IRAG1: variants seen among roughly 807,000 people sequenced by gnomAD.
The protein encoded by IRAG1 is inositol 1,4,5-triphosphate receptor associated 1.
A neutral mutation model predicts 106.2 loss-of-function variants in IRAG1; 62 were observed. The observed-to-expected ratio is 0.58, with a 90% CI of 0.48 to 0.72. The LOEUF (loss-of-function observed/expected upper bound fraction) is 0.72, where lower values mean the gene tolerates loss of function less well. Ranked by LOEUF, IRAG1 falls within the 30% of genes least tolerant of loss-of-function variation. IRAG1 has a pLI of 0.00. For synonymous variants in IRAG1, 462 were observed against 443.9 expected (o/e 1.04, Z -0.51); for missense variants, 1,064 against 1,140.7 (o/e 0.93, Z 0.97).
At chr11:10,589,107 A>G (rs1163677944) in intron 18 of IRAG1, 1 of 152,200 alleles carries the variant, frequency 6.6e-6, no homozygotes, top group Non-Finnish European at 1.5e-5. Flanking sequence ...CTCATGAAGC[A>G]GTGTAACCAG....
chr11:10,600,980 G>A lies in IRAG1; in HGVS notation c.1955C>T (p.Ala652Val), dbSNP rs376317552. The A allele has an allele frequency of 8.2e-5, 132 of 1,614,012 alleles. No homozygotes were observed. The highest frequency in any genetic ancestry group is 1.0e-4 in the Non-Finnish European group (122 of 1,179,856). Residue 652 changes from alanine to valine, a missense_variant, in exon 15 of 21, where the codon GCG becomes GTG. Physicochemically the swap from Ala to Val is moderately conservative, Grantham distance 64. Coordinates refer to ENST00000423302, the MANE Select transcript of IRAG1 (RefSeq NM_130385.4). Reference sequence around the variant, plus strand: ...AAGCTTTTTAAACTCCATGAGCTCCGCATGGTCCTTCTCATACGTCCTCTT... The same window carrying A: ...AAGCTTTTTAAACTCCATGAGCTCCACATGGTCCTTCTCATACGTCCTCTT... ...NLKRTYEKDH[A>V]ELMEFKKLAN...
chr11:10,595,491 T>A (rs1187216147), intron 15 of IRAG1, among the ~76,000 whole-genome samples: 1 of 152,208 alleles, frequency 6.6e-6, no homozygotes, highest in Non-Finnish European at 1.5e-5. Flanking sequence ...AGCTCTCTAT[T>A]CTTTTCTTGA....
rs1850731626 is a variant in IRAG1 at position 10,574,673 on chromosome 11, A to C, written c.*1659T>G. 6.6e-6 allele frequency: 1 copy of C among 152,122 alleles called. No homozygotes were observed. The highest frequency in any genetic ancestry group is 6.5e-5 in the Admixed American group (1 of 15,286). The allele number at this position is 152,122 out of a possible 1,614,324, so 9.4% of individuals were successfully genotyped here. On this transcript the variant is annotated 3_prime_UTR_variant, in exon 21 of 21. Transcript: ENST00000423302. The stretch of plus-strand genomic sequence containing the variant: ...AGAACAGCTGGAAAAAAAACTAGTG[A>C]GTGGAGGTCCAGCACTATGAGAGAA...
intron 11 of IRAG1, among the ~76,000 whole-genome samples, chr11:10,608,625 A>G (rs1454670838): frequency 6.6e-6 from 1 of 152,162 alleles, no homozygotes; most frequent in Non-Finnish European, 1.5e-5. Flanking sequence ...TTTTTAAGTG[A>G]CTATTTGTAT....
intron 2 of IRAG1, among the ~76,000 whole-genome samples, chr11:10,641,156 T>C (rs1857480042): frequency 6.6e-6 from 1 of 152,156 alleles, no homozygotes; most frequent in African/African-American, 2.4e-5. Flanking sequence ...TGAGCCACCA[T>C]GTACAGCATA....
rs117479720 is a variant in IRAG1 at position 10,573,528 on chromosome 11, G to T, written c.*2804C>A. 0.032 allele frequency: 4,821 copies of T among 152,378 alleles called. 128 individuals are homozygous for T. Among genetic ancestry groups the T allele is most frequent in the Middle Eastern group, 0.061 (18 of 296 alleles). The allele number at this position is 152,378 out of a possible 1,614,324, so 9.4% of individuals were successfully genotyped here. ...TGCTTTCCAGAAAAGATGGACTCAT[G>T]AGCACTTTTTCAGCCCCTGTATATA... is the stretch of plus-strand genomic sequence containing the variant. On this transcript the variant is annotated 3_prime_UTR_variant, in exon 21 of 21. Coordinates refer to ENST00000423302, the MANE Select transcript of IRAG1 (RefSeq NM_130385.4).
intron 3 of IRAG1, among the ~76,000 whole-genome samples, chr11:10,632,980 A>G (rs958659188): frequency 3.3e-5 from 5 of 152,046 alleles, no homozygotes; most frequent in Non-Finnish European, 7.3e-5. Flanking sequence ...TTTGTTATCC[A>G]GATGCTTCTT....
chr11:10,632,130 T>C lies in IRAG1; in HGVS notation c.330-69A>G. 3.0e-6 allele frequency: 3 copies of C among 987,152 alleles called. No individual in the cohort carries two copies. In the South Asian group the frequency reaches 4.1e-5, roughly 14 times the overall value. 61.1% of individuals were successfully genotyped at this position (987,152 alleles called of 1,614,324 possible). ...ACTTGAAAATAGGTGAAAAGATGCC[T>C]GTATATTCTTTTTCTTTTTCTTTCT... On this transcript the variant is annotated intron_variant, in intron 3 of 20. Coordinates refer to ENST00000423302, the MANE Select transcript of IRAG1 (RefSeq NM_130385.4).
At chr11:10,666,858 G>A (rs1859821561) in intron 1 of IRAG1, among the ~76,000 whole-genome samples, 1 of 152,168 alleles carries the variant, frequency 6.6e-6, no homozygotes, top group East Asian at 1.9e-4. Flanking sequence ...GGTTCCACAA[G>A]GAGCATAGGC....
At chr11:10,603,326 C>T (rs942859125) in intron 13 of IRAG1, 75 bp from the exon 14 acceptor site, 44 of 1,546,182 alleles carry the variant, frequency 2.8e-5, no homozygotes, top group East Asian at 6.9e-5. Flanking sequence ...CCAACCTTTT[C>T]GGCCTCAGGG....
At chr11:10,606,407 T>A (rs1854482313) in intron 12 of IRAG1, among the ~76,000 whole-genome samples, 1 of 152,248 alleles carries the variant, frequency 6.6e-6, no homozygotes, top group Non-Finnish European at 1.5e-5. Flanking sequence ...TTTTCAGTAA[T>A]TTTGAAATAA....
In IRAG1 at chr11:10,628,622, G is replaced by A. The variant is rs1324744328; in HGVS notation, c.652+129C>T. 7.9e-6 allele frequency: 6 copies of A among 755,632 alleles called. No individual in the cohort carries two copies. Among genetic ancestry groups the A allele is most frequent in the Non-Finnish European group, 1.2e-5 (6 of 489,166 alleles). The allele number at this position is 755,632 out of a possible 1,614,324, so 46.8% of individuals were successfully genotyped here. A position where few individuals can be genotyped will look rare whatever the true frequency, so the allele number is the denominator to read the frequency against. ...CCCCCTGGAGAGGGGTCTTGCTCTG[G>A]GTGTGAAGGGGCCATCAGAGTTCTT... On this transcript the variant is annotated intron_variant, in intron 6 of 20. Transcript: ENST00000423302. This position sits in a 1 kb window ranked among gnomAD's most constrained non-coding sequence, Gnocchi z 4.1.
In IRAG1 at chr11:10,628,166, G is replaced by A. The variant is rs1282718669; in HGVS notation, c.653-141C>T. 1.2e-5 allele frequency: 10 copies of A among 869,354 alleles called. No individual in the cohort carries two copies. The highest frequency in any genetic ancestry group is 5.0e-5 in the African/African-American group (3 of 59,920). 53.9% of individuals were successfully genotyped at this position (869,354 alleles called of 1,614,324 possible). On this transcript the variant is annotated intron_variant, in intron 6 of 20. Coordinates refer to ENST00000423302, the MANE Select transcript of IRAG1 (RefSeq NM_130385.4). The surrounding 1 kb of genome is among the most constrained non-coding windows in gnomAD (Gnocchi z 4.1). ...TTTGCTGACTACCTCCCGTGTGCCA[G>A]GTTCTCAGGTGGGCCCTCACAGAAT...
rs114605503 is a variant in IRAG1 at position 10,675,392 on chromosome 11, T to A, written c.67+18144A>T. ...CTCCCAAACAGGAAATGCTAATTCA[T>A]GCCTGCCACTTGCTGTTACCAGGTC... On this transcript the variant is annotated intron_variant, in intron 1 of 20. Transcript: ENST00000423302. Among the ~76,000 whole-genome samples the A allele has an allele frequency of 5.7e-3, 868 of 152,308 alleles. 9 individuals carry two copies. Among genetic ancestry groups the A allele is most frequent in the African/African-American group, 0.019 (810 of 41,576 alleles).
chr11:10,590,546 C>T (rs925911633), intron 18 of IRAG1, among the ~76,000 whole-genome samples: 1 of 152,074 alleles, frequency 6.6e-6, no homozygotes, highest in African/African-American at 2.4e-5. Context: ...AGGACTAAAG[C>T]TGTCTTGAGG....
At chr11:10,627,018 G>C (rs1232568852) in intron 8 of IRAG1, among the ~76,000 whole-genome samples, 1 of 152,194 alleles carries the variant, frequency 6.6e-6, no homozygotes, top group African/African-American at 2.4e-5. Context: ...CAATTTCTCA[G>C]AGTTCCATGA....
chr11:10,611,852 T>A (rs897008963), intron 10 of IRAG1, among the ~76,000 whole-genome samples: 1 of 152,124 alleles, frequency 6.6e-6, no homozygotes, highest in Non-Finnish European at 1.5e-5. Context: ...ATTCAGAAAG[T>A]TTCCCTAGAA....
chr11:10,594,950 A>G (rs1853119096), intron 15 of IRAG1, among the ~76,000 whole-genome samples: 1 of 152,134 alleles, frequency 6.6e-6, no homozygotes, highest in Non-Finnish European at 1.5e-5. Flanking sequence ...CTTTTGAGAC[A>G]GTCTCACTCT....
chr11:10,683,759 T>C (rs2135229074), intron 1 of IRAG1, among the ~76,000 whole-genome samples: 1 of 152,306 alleles, frequency 6.6e-6, no homozygotes, highest in Admixed American at 6.5e-5. Context: ...GGATGGAACC[T>C]CTTCCCTGGC....
Sources: allele counts gnomAD v4.1 joint callset (sites outside exome capture counted in the v4.1 genomes callset), GRCh38; gene constraint gnomAD v4.1.1; non-coding constraint Gnocchi (gnomAD v3.1); transcripts MANE v1.5; gene names NCBI Gene and HGNC (gene_info 2026-07-23, HGNC 2026-07-21).